The following PARD3B variants were observed in gnomAD, a reference collection of about 807,000 sequenced individuals.
PARD3B encodes the protein partitioning defective 3 homolog B.
PARD3B carries 103 observed loss-of-function variants against 130.2 expected under a neutral mutation model. The observed-to-expected ratio is 0.79, with a 90% CI of 0.67 to 0.93. PARD3B has a LOEUF of 0.93. PARD3B is among the 40% of genes least tolerant of loss of function. PARD3B has a pLI of 0.00. For synonymous variants in PARD3B, 583 were observed against 553.2 expected, an observed-to-expected ratio of 1.05 and a Z score of -0.76; for missense variants, 1,609 against 1,499.2, an observed-to-expected ratio of 1.07 and a Z score of -1.21.
In PARD3B at chr2:205,592,206, G is replaced by A. The variant is rs1350121102; in HGVS notation, c.3261-23250G>A. On this transcript the variant is annotated intron_variant, in intron 22 of 22. Coordinates refer to ENST00000406610, the MANE Select transcript of PARD3B (RefSeq NM_001302769.2). This position sits in a 1 kb window ranked among gnomAD's most constrained non-coding sequence, Gnocchi z 4.5. ...ATGGCAGAGCTGGAACTTGAACCCA[G>A]GTGTTTTGCCTCAGAGCCCAGTGCT... Among the ~76,000 whole-genome samples the A allele has an allele frequency of 6.6e-6, 1 of 152,220 alleles. No homozygotes were observed. The highest frequency in any genetic ancestry group is 6.5e-5 in the Admixed American group (1 of 15,276).
At chr2:204,789,694 C>T (rs1389418274) in intron 2 of PARD3B, among the ~76,000 whole-genome samples, 2 of 152,030 alleles carry the variant, frequency 1.3e-5, no homozygotes, top group African/African-American at 4.8e-5. Context: ...TAAATCTAGT[C>T]TATTTGTTCT....
chr2:205,501,207 A>C (rs908021272), intron 21 of PARD3B, among the ~76,000 whole-genome samples: 2 of 152,184 alleles, frequency 1.3e-5, no homozygotes, highest in Non-Finnish European at 1.5e-5. Flanking sequence ...AGAAGATTGC[A>C]CCTGTATAAT....
chr2:205,189,302 T>G (rs969906818), intron 14 of PARD3B, among the ~76,000 whole-genome samples: 4 of 152,194 alleles, frequency 2.6e-5, no homozygotes, highest in African/African-American at 9.6e-5. Flanking sequence ...CCTTTTCACC[T>G]CAGACAGTTC....
chr2:205,310,896 G>C (rs1336216265), intron 18 of PARD3B, among the ~76,000 whole-genome samples: 2 of 151,524 alleles, frequency 1.3e-5, no homozygotes, highest in Non-Finnish European at 2.9e-5. Flanking sequence ...GCTAATTTTT[G>C]TATTTTTAGT....
chr2:204,867,175 A>C (rs2045459579), intron 2 of PARD3B, among the ~76,000 whole-genome samples: 1 of 152,172 alleles, frequency 6.6e-6, no homozygotes, highest in African/African-American at 2.4e-5. Flanking sequence ...AGGAATACAA[A>C]TGCAAAATAT....
intron 1 of PARD3B, among the ~76,000 whole-genome samples, chr2:204,615,099 C>G (rs372754286): frequency 4.6e-5 from 7 of 152,004 alleles, no homozygotes; most frequent in African/African-American, 1.7e-4. Flanking sequence ...TCTGCTTTAG[C>G]GTTCAATCTT....
At chr2:204,941,289 G>C (rs1201390138) in intron 2 of PARD3B, among the ~76,000 whole-genome samples, 1 of 152,130 alleles carries the variant, frequency 6.6e-6, no homozygotes, top group South Asian at 2.1e-4. Context: ...GAGGAGAATC[G>C]CTGGAGCCCG....
chr2:204,725,749 A>C (rs1559091852), intron 2 of PARD3B, among the ~76,000 whole-genome samples: 2 of 152,222 alleles, frequency 1.3e-5, no homozygotes, highest in African/African-American at 2.4e-5. Flanking sequence ...TGAGACTTAA[A>C]AAACAAACAA....
intron 2 of PARD3B, among the ~76,000 whole-genome samples, chr2:204,796,193 C>T (rs2042369523): frequency 6.6e-6 from 1 of 152,126 alleles, no homozygotes; most frequent in African/African-American, 2.4e-5. Flanking sequence ...AGTTACTGTT[C>T]CCTCTCCTTT....
intron 18 of PARD3B, among the ~76,000 whole-genome samples, chr2:205,374,182 A>AG (rs2044939540): frequency 6.7e-6 from 1 of 150,104 alleles, no homozygotes; most frequent in Non-Finnish European, 1.5e-5. Flanking sequence ...GGAAAAATGA[A>AG]AAAAAAAAAA....
chr2:205,579,639 A>C (rs2053893625), intron 22 of PARD3B, among the ~76,000 whole-genome samples: 1 of 152,106 alleles, frequency 6.6e-6, no homozygotes, highest in Non-Finnish European at 1.5e-5. Flanking sequence ...CACTCGTCCC[A>C]TTTTGGAGGC....
At chr2:204,605,891 A>G (rs756127299) in intron 1 of PARD3B, among the ~76,000 whole-genome samples, 6 of 152,130 alleles carry the variant, frequency 3.9e-5, no homozygotes, top group Non-Finnish European at 8.8e-5. Context: ...TTGTATTTTC[A>G]GTCTCATTTC....
Position 205,253,589 on chromosome 2 carries a change from G to T in PARD3B, c.2185+7767G>T. 1 of 402,770 alleles carries T rather than the reference G, an allele frequency of 2.5e-6. No homozygotes were observed. Among genetic ancestry groups the T allele is most frequent in the South Asian group, 1.9e-5 (1 of 51,428 alleles). The allele number at this position is 402,770 out of a possible 1,614,324, so 24.9% of individuals were successfully genotyped here. ...TCCTCTGCCTCTTCAGAGCCCAGCA[G>T]AAAGACAGAGAAAGAAGCCTCCTTG... is the stretch of plus-strand genomic sequence containing the variant. On this transcript the variant is annotated intron_variant, in intron 16 of 22. Coordinates refer to ENST00000406610, the MANE Select transcript of PARD3B (RefSeq NM_001302769.2). The surrounding 1 kb of genome is among the most constrained non-coding windows in gnomAD (Gnocchi z 4.4).
intron 2 of PARD3B, among the ~76,000 whole-genome samples, chr2:204,742,222 G>A (rs1462627834): frequency 6.6e-6 from 1 of 152,076 alleles, no homozygotes; most frequent in Non-Finnish European, 1.5e-5. Context: ...GTATAAAATA[G>A]TCATACATTT....
At chr2:205,561,393 A>G (rs1005352525) in intron 22 of PARD3B, among the ~76,000 whole-genome samples, 1 of 152,174 alleles carries the variant, frequency 6.6e-6, no homozygotes, top group Non-Finnish European at 1.5e-5. Context: ...GAATCAGAAC[A>G]TTAGGTAAAC....
intron 22 of PARD3B, among the ~76,000 whole-genome samples, chr2:205,612,807 A>T (rs1197769540): frequency 6.6e-6 from 1 of 152,226 alleles, no homozygotes; most frequent in Non-Finnish European, 1.5e-5. Flanking sequence ...CCTCAGAGGA[A>T]GCAATATGGG....
intron 3 of PARD3B, among the ~76,000 whole-genome samples, chr2:205,036,700 T>G (rs1419509268): frequency 6.9e-6 from 1 of 145,124 alleles, no homozygotes; most frequent in Admixed American, 6.9e-5. Flanking sequence ...GCGGACTGTA[T>G]GTACAAAAAA....
chr2:205,213,355 A>AT (rs1440480231), intron 15 of PARD3B, among the ~76,000 whole-genome samples: 1 of 151,858 alleles, frequency 6.6e-6, no homozygotes, highest in Non-Finnish European at 1.5e-5. Flanking sequence ...TTGAGTGAGC[A>AT]TTTTTTTTCC....
chr2:205,410,430 A>C (rs1056649133), intron 19 of PARD3B, among the ~76,000 whole-genome samples: 7 of 152,126 alleles, frequency 4.6e-5, no homozygotes, highest in Non-Finnish European at 1.0e-4. Flanking sequence ...TTTTCGTGGC[A>C]TTGGATAAGC....
Sources: allele counts gnomAD v4.1 joint callset (sites outside exome capture counted in the v4.1 genomes callset), GRCh38; gene constraint gnomAD v4.1.1; non-coding constraint Gnocchi (gnomAD v3.1); transcripts MANE v1.5; gene names NCBI Gene and HGNC (gene_info 2026-07-23, HGNC 2026-07-21).